IGSF9B: variants seen among roughly 807,000 people sequenced by gnomAD.
IGSF9B encodes immunoglobulin superfamily member 9B, also known as protein turtle homolog B.
A neutral mutation model predicts 143.7 loss-of-function variants in IGSF9B; 48 were observed. The ratio of observed to expected loss-of-function variants is 0.33; its 90% CI spans 0.26 to 0.42. IGSF9B has a LOEUF of 0.42. Ranked by LOEUF, IGSF9B falls within the 20% of genes least tolerant of loss-of-function variation. IGSF9B has a pLI of 1.00. For missense variants in IGSF9B, 1,706 were observed against 1,980.0 expected, an observed-to-expected ratio of 0.86 and a Z score of 2.63; for synonymous variants, 903 against 833.1, an observed-to-expected ratio of 1.08 and a Z score of -1.44.
chr11:133,933,464 G>A (rs559705993), intron 7 of IGSF9B, among the ~76,000 whole-genome samples: 1 of 152,352 alleles, frequency 6.6e-6, no homozygotes, highest in African/African-American at 2.4e-5. Context: ...TGCTGAATCA[G>A]GCCAGGTGCA....
At chr11:133,918,078 G>C (rs1420479346) in intron 18 of IGSF9B, among the ~76,000 whole-genome samples, 1 of 151,842 alleles carries the variant, frequency 6.6e-6, no homozygotes, top group Non-Finnish European at 1.5e-5. Flanking sequence ...GCAGCTAGGC[G>C]GTGCCGAGCG....
At chr11:133,932,326 G>A (rs1939748017) in intron 7 of IGSF9B, 113 bp from the exon 8 acceptor site, 1 of 1,128,368 alleles carries the variant, frequency 8.9e-7, no homozygotes. Flanking sequence ...GAAGCCAGGT[G>A]GGAGAGCAGA....
Position 133,931,010 on chromosome 11 carries a change from G to C in IGSF9B, c.1493C>G (p.Thr498Ser). ...GATGACGGTGAGGTGGGTGCTGGCA[G>C]TGATGCTCGTGACCACGTTGGTGGC... The part of the protein sequence containing the change: ...CVATNVVTSI[T>S]ASTHLTVIGT... The change falls in exon 11 of 20, where the codon ACT becomes AGT. Residue 498 changes from threonine to serine, a missense_variant. Thr to Ser is a moderately conservative substitution (Grantham distance 58). Around this residue, in one of 7 missense-constraint regions of IGSF9B, gnomAD observed 267 missense variants for 321.1 expected, o/e 0.83. Coordinates refer to ENST00000533871, the MANE Select transcript of IGSF9B (RefSeq NM_001277285.4). The surrounding 1 kb of genome is among the most constrained non-coding windows in gnomAD (Gnocchi z 7.7). 1 of 1,613,228 alleles carries C rather than the reference G, an allele frequency of 6.2e-7. No individual in the cohort carries two copies. The highest frequency in any genetic ancestry group is 1.1e-5 in the South Asian group (1 of 90,996).
intron 1 of IGSF9B, among the ~76,000 whole-genome samples, chr11:133,950,327 G>A (rs533576993): frequency 1.4e-4 from 22 of 152,214 alleles, no homozygotes; most frequent in Non-Finnish European, 2.6e-4. Flanking sequence ...TGCAAGCCTC[G>A]CGTGCTGTGA....
At chr11:133,952,734 G>C (rs1940185009) in intron 1 of IGSF9B, among the ~76,000 whole-genome samples, 1 of 151,976 alleles carries the variant, frequency 6.6e-6, no homozygotes, top group African/African-American at 2.4e-5. Flanking sequence ...CACACATGCA[G>C]GGGCACACAC....
Position 133,899,363 on chromosome 11 carries a change from C to G in IGSF9B, c.*9706G>C, listed in dbSNP as rs1939078705. On this transcript the variant is annotated 3_prime_UTR_variant, in exon 20 of 20. Transcript: ENST00000533871. ...GCTCCAAGTGCCTTAAGGGCTGGCT[C>G]TTCAGAGAAGCTGGAGGTCCCCTCT... is the stretch of plus-strand genomic sequence containing the variant. 1 of 152,412 alleles carries G rather than the reference C, an allele frequency of 6.6e-6. No homozygotes were observed. The highest frequency in any genetic ancestry group is 1.5e-5 in the Non-Finnish European group (1 of 68,124). The allele number at this position is 152,412 out of a possible 1,614,324, so 9.4% of individuals were successfully genotyped here.
rs540703105 is a variant in IGSF9B, at chr11:133,932,241, G to GCAGA, written c.968-32_968-29dup. 170 of 1,537,254 alleles carry GCAGA rather than the reference G, an allele frequency of 1.1e-4. No homozygotes were observed. In the East Asian group the frequency reaches 1.5e-3, roughly 14 times the overall value. On this transcript the variant is annotated intron_variant, in intron 7 of 19. Transcript: ENST00000533871. ...GCATAGAGGAAGCGCAGGTGAGAGAGCAGACAGACAGACACAGGGACAGAC... is the reference window on the plus strand; with the variant it reads ...GCATAGAGGAAGCGCAGGTGAGAGAGCAGACAGACAGACAGACACAGGGACAGAC...
rs747824828 is a variant in IGSF9B at position 133,926,979 on chromosome 11, C to T, written c.1744G>A (p.Val582Ile). Reference sequence around the variant, plus strand: ...GTTCCCAGCTTGTTCTGGGCCAGGACGCTGAACTGGTACGCTGTCTCAGGC... The same window carrying T: ...GTTCCCAGCTTGTTCTGGGCCAGGATGCTGAACTGGTACGCTGTCTCAGGC... ...LEPETAYQFS[V>I]LAQNKLGTSA... Residue 582 changes from valine (V) to isoleucine (I), a missense_variant, in exon 13 of 20, where the codon GTC becomes ATC. Transcript: ENST00000533871. The T allele has an allele frequency of 1.1e-5, 17 of 1,593,862 alleles. No homozygotes were observed. Among genetic ancestry groups the T allele is most frequent in the East Asian group, 4.6e-5 (2 of 43,776 alleles).
chr11:133,907,607 C>T lies in IGSF9B; in HGVS notation c.*1462G>A, dbSNP rs147076577. 1.2e-4 allele frequency among the ~76,000 whole-genome samples: 18 copies of T among 152,338 alleles called. No homozygotes were observed. In the East Asian group the frequency reaches 1.4e-3, roughly 11 times the overall value. ...GCCCTTGGGCAGCACCATATCTTAC[C>T]GGCAGAGAGACATCTTAGTGGGAAG... On this transcript the variant is annotated 3_prime_UTR_variant, in exon 20 of 20. Transcript: ENST00000533871.
chr11:133,956,361 G>A (rs1388888547), intron 1 of IGSF9B, among the ~76,000 whole-genome samples: 1 of 152,172 alleles, frequency 6.6e-6, no homozygotes, highest in Non-Finnish European at 1.5e-5. Flanking sequence ...CCGCCGGGCA[G>A]GAGGCGACGG....
chr11:133,938,946 C>T (rs1224695386), intron 3 of IGSF9B, among the ~76,000 whole-genome samples: 1 of 152,228 alleles, frequency 6.6e-6, no homozygotes, highest in African/African-American at 2.4e-5. Flanking sequence ...GTAAAATGCA[C>T]CAGTTGCCAG....
intron 11 of IGSF9B, 80 bp downstream of exon 11, chr11:133,930,904 A>G: frequency 7.2e-7 from 1 of 1,382,908 alleles, no homozygotes; most frequent in Non-Finnish European, 9.8e-7. Context: ...CCACCAGGGG[A>G]CGCTCCCAGC....
chr11:133,951,634 C>A (rs1940160344), intron 1 of IGSF9B, among the ~76,000 whole-genome samples: 3 of 152,352 alleles, frequency 2.0e-5, no homozygotes, highest in Admixed American at 2.0e-4. Flanking sequence ...GTAATTCAAT[C>A]TCTGCTCCAC....
rs1454182240 is a variant in IGSF9B, at chr11:133,920,319, G to A, written c.3406C>T (p.Arg1136Ter). Residue 1136 changes from arginine to a stop codon, truncating the protein, a stop_gained, in exon 18 of 20, where the codon CGA becomes TGA. Coordinates refer to ENST00000533871, the MANE Select transcript of IGSF9B (RefSeq NM_001277285.4). LOFTEE classifies it high-confidence loss of function. The stretch of plus-strand genomic sequence containing the variant: ...ATGCCCATGCCTTGGCTTGTATGTC[G>A]CAGCTGCCCTTGGCTTACCAGAGGT... ...MQPLVSQGQL[R>*]HTSQGMGIPV... 6.3e-7 allele frequency: 1 copy of A among 1,578,946 alleles called. No homozygotes were observed. Among genetic ancestry groups the A allele is most frequent in the Non-Finnish European group, 8.6e-7 (1 of 1,162,164 alleles).
intron 12 of IGSF9B, among the ~76,000 whole-genome samples, chr11:133,927,419 T>G (rs1168434326): frequency 6.6e-6 from 1 of 152,198 alleles, no homozygotes; most frequent in Non-Finnish European, 1.5e-5. Flanking sequence ...AAGAACAAGC[T>G]CTGCCTTGGG....
intron 1 of IGSF9B, chr11:133,952,237 C>T (rs540487128): frequency 2.9e-5 from 10 of 349,380 alleles, no homozygotes; most frequent in Admixed American, 1.7e-4. Flanking sequence ...CCATGGGCAG[C>T]GCCTTTTGGG....
At position 133,956,931 on chromosome 11, in the gene IGSF9B, G is replaced by T; in HGVS notation, c.-177C>A. Reference sequence around the variant, plus strand: ...CCTCCTAGGCTCCGCTCGGCTCGGCGCGCGCCTCCCCGGCCCCGGCGCAGC... The same window carrying T: ...CCTCCTAGGCTCCGCTCGGCTCGGCTCGCGCCTCCCCGGCCCCGGCGCAGC... On this transcript the variant is annotated 5_prime_UTR_variant, in exon 1 of 20. Transcript: ENST00000533871. 2.6e-6 allele frequency: 1 copy of T among 384,538 alleles called. No individual in the cohort carries two copies. The allele number at this position is 384,538 out of a possible 1,614,324, so 23.8% of individuals were successfully genotyped here.
At position 133,925,971 on chromosome 11, in the gene IGSF9B, G is replaced by A. The variant is rs1403231229; in HGVS notation, c.1808-6C>T. ...TGGAGTTGTAATAGGGAATGCTGCGGCGGGGGAAGGAGAAGAACCACAGCG... is the reference window on the plus strand; with the variant it reads ...TGGAGTTGTAATAGGGAATGCTGCGACGGGGGAAGGAGAAGAACCACAGCG... On this transcript the variant is annotated splice_region_variant and splice_polypyrimidine_tract_variant and intron_variant, in intron 13 of 19. Coordinates refer to ENST00000533871, the MANE Select transcript of IGSF9B (RefSeq NM_001277285.4). The A allele has an allele frequency of 6.3e-7, 1 of 1,575,000 alleles. No homozygotes were observed. Among genetic ancestry groups the A allele is most frequent in the South Asian group, 1.2e-5 (1 of 86,494 alleles).
In IGSF9B at chr11:133,897,358, A is replaced by G. The variant is rs1195695468; in HGVS notation, c.*11711T>C. 1 of 151,096 alleles carries G rather than the reference A, an allele frequency of 6.6e-6. No homozygotes were observed. Among genetic ancestry groups the G allele is most frequent in the Non-Finnish European group, 1.5e-5 (1 of 67,326 alleles). The allele number at this position is 151,096 out of a possible 1,614,324, so 9.4% of individuals were successfully genotyped here. A position where few individuals can be genotyped will look rare whatever the true frequency, so the allele number is the denominator to read the frequency against. ...CTCCCGCTCTCACTCTCTTGCGTGCACACACGCACACGCACACACACGCAC... is the reference window on the plus strand; with the variant it reads ...CTCCCGCTCTCACTCTCTTGCGTGCGCACACGCACACGCACACACACGCAC... On this transcript the variant is annotated 3_prime_UTR_variant, in exon 20 of 20. Transcript: ENST00000533871.
Sources: gnomAD v4.1 joint callset for allele counts (sites outside exome capture counted in the v4.1 genomes callset) on GRCh38, gnomAD v4.1.1 for gene constraint, gnomAD v4.1.1 regional missense constraint, Gnocchi (gnomAD v3.1) non-coding constraint, MANE v1.5 for transcripts, NCBI Gene and HGNC (gene_info 2026-07-23, HGNC 2026-07-21) for gene names.